C1orf21: variants seen among roughly 807,000 people sequenced by gnomAD.
C1orf21 encodes chromosome 1 open reading frame 21.
In C1orf21, 3 loss-of-function variants were observed where a neutral mutation model predicts 18.7. That is an observed-to-expected ratio of 0.16 (90% CI 0.07 to 0.42). C1orf21 has a LOEUF of 0.42. Ranked by LOEUF, C1orf21 falls within the 10% of genes least tolerant of loss-of-function variation. The pLI, the probability that C1orf21 is intolerant of heterozygous loss-of-function variation, is 0.99. For missense variants in C1orf21, 104 were observed against 143.6 expected (o/e 0.72, Z 1.41); for synonymous variants, 41 against 46.4 (o/e 0.88, Z 0.47).
At chr1:184,431,457 C>G (rs1372289595) in intron 1 of C1orf21, among the ~76,000 whole-genome samples, 1 of 152,122 alleles carries the variant, frequency 6.6e-6, no homozygotes, top group Non-Finnish European at 1.5e-5. Flanking sequence ...ATGCCTTATA[C>G]AAAAATTAAC....
intron 1 of C1orf21, among the ~76,000 whole-genome samples, chr1:184,404,520 G>A (rs1182301479): frequency 6.6e-6 from 1 of 152,072 alleles, no homozygotes; most frequent in Admixed American, 6.5e-5. Flanking sequence ...TGAGAAAGAG[G>A]GCTGGAGTTG....
At chr1:184,568,904 T>C (rs1049706387) in intron 3 of C1orf21, among the ~76,000 whole-genome samples, 1 of 152,230 alleles carries the variant, frequency 6.6e-6, no homozygotes, top group Admixed American at 6.5e-5. Context: ...AGGACAAATG[T>C]TCATTCGTTC....
At chr1:184,405,288 C>T (rs1656227154) in intron 1 of C1orf21, among the ~76,000 whole-genome samples, 1 of 152,006 alleles carries the variant, frequency 6.6e-6, no homozygotes, top group Non-Finnish European at 1.5e-5. Flanking sequence ...CTCAATCTCC[C>T]TGGCTCTATC....
At chr1:184,409,211 A>G (rs557357151) in intron 1 of C1orf21, among the ~76,000 whole-genome samples, 2 of 152,360 alleles carry the variant, frequency 1.3e-5, no homozygotes, top group South Asian at 4.1e-4. Context: ...CTTCTGGTCT[A>G]GATGAGTCAC....
intron 2 of C1orf21, among the ~76,000 whole-genome samples, chr1:184,491,140 C>T (rs1364358373): frequency 6.6e-6 from 1 of 151,984 alleles, no homozygotes; most frequent in Non-Finnish European, 1.5e-5. Flanking sequence ...ACAAAAAGTG[C>T]TGTATAAATA....
rs1655896714 is a variant in C1orf21 at position 184,387,038 on chromosome 1, A to T, written c.-455A>T. On this transcript the variant is annotated 5_prime_UTR_variant, in exon 1 of 6. Coordinates refer to ENST00000235307, the MANE Select transcript of C1orf21 (RefSeq NM_030806.4). The surrounding 1 kb of genome is among the most constrained non-coding windows in gnomAD (Gnocchi z 5.6). ...CTCCCCTCCCTCGCTCGCTCCTCGC[A>T]AGCTCCCGCTCGCTCCCTGCCCACT... is the stretch of plus-strand genomic sequence containing the variant. 2 of 150,646 alleles carry T rather than the reference A, an allele frequency of 1.3e-5. No homozygotes were observed. The highest frequency in any genetic ancestry group is 4.2e-4 in the South Asian group (2 of 4,800). The allele number at this position is 150,646 out of a possible 1,614,324, so 9.3% of individuals were successfully genotyped here. A position where few individuals can be genotyped will look rare whatever the true frequency, so the allele number is the denominator to read the frequency against.
In C1orf21 at chr1:184,414,731, T is replaced by G. The variant is rs115736275; in HGVS notation, c.-125+27363T>G. Among the ~76,000 whole-genome samples, 1,072 of 152,358 alleles carry G rather than the reference T, an allele frequency of 7.0e-3. 8 individuals are homozygous for G. The highest frequency in any genetic ancestry group is 0.024 in the African/African-American group (1,013 of 41,586). On this transcript the variant is annotated intron_variant, in intron 1 of 5. Transcript: ENST00000235307. ...TCTTACATAGCTTTATTTAAAATCC[T>G]AGATTGACTTGTTTTTTGTTGATAC...
At chr1:184,567,310 C>T (rs1659048195) in intron 3 of C1orf21, 1 of 470,864 alleles carries the variant, frequency 2.1e-6, no homozygotes, top group South Asian at 1.7e-5. Context: ...CAGTCTGTGA[C>T]TTGACTTCAC....
At chr1:184,481,572 AC>A (rs1557983296) in intron 2 of C1orf21, among the ~76,000 whole-genome samples, 2 of 152,086 alleles carry the variant, frequency 1.3e-5, no homozygotes, top group Non-Finnish European at 2.9e-5. Flanking sequence ...AAATCAGTTT[AC>A]CCCAAGCCCA....
At chr1:184,489,100 T>C (rs1657776768) in intron 2 of C1orf21, among the ~76,000 whole-genome samples, 1 of 152,216 alleles carries the variant, frequency 6.6e-6, no homozygotes. Flanking sequence ...TGTGATAAAC[T>C]GTGATTATAT....
intron 1 of C1orf21, among the ~76,000 whole-genome samples, chr1:184,464,723 A>G (rs1657361680): frequency 6.6e-6 from 1 of 152,244 alleles, no homozygotes; most frequent in Non-Finnish European, 1.5e-5. Flanking sequence ...CTGGAAAAAT[A>G]TAGCTTAAGC....
At chr1:184,489,954 T>C (rs1055292840) in intron 2 of C1orf21, among the ~76,000 whole-genome samples, 3 of 152,252 alleles carry the variant, frequency 2.0e-5, no homozygotes, top group Admixed American at 2.0e-4. Context: ...TCACTACAAC[T>C]GTTTATTTTG....
At chr1:184,442,407 CA>C (rs1656962345) in intron 1 of C1orf21, among the ~76,000 whole-genome samples, 1 of 152,132 alleles carries the variant, frequency 6.6e-6, no homozygotes, top group Non-Finnish European at 1.5e-5. Context: ...TAATATTTAA[CA>C]CAGGATTATG....
chr1:184,465,568 T>A (rs975671631), intron 1 of C1orf21, among the ~76,000 whole-genome samples: 1 of 152,166 alleles, frequency 6.6e-6, no homozygotes, highest in Admixed American at 6.5e-5. Context: ...GGCCTGTTCC[T>A]GGGGTGGTAA....
intron 4 of C1orf21, among the ~76,000 whole-genome samples, chr1:184,594,922 C>G (rs761962119): frequency 1.3e-5 from 2 of 152,166 alleles, no homozygotes; most frequent in Non-Finnish European, 2.9e-5. Flanking sequence ...TATCTTTTAG[C>G]TCTAAAGCCC....
chr1:184,524,546 T>C (rs181828765), intron 3 of C1orf21, among the ~76,000 whole-genome samples: 211 of 152,250 alleles, frequency 1.4e-3, no homozygotes, highest in African/African-American at 4.9e-3. Flanking sequence ...AAAATATTCT[T>C]CTAAAATCAC....
chr1:184,590,023 T>C (rs1164755436), intron 3 of C1orf21, among the ~76,000 whole-genome samples: 1 of 152,212 alleles, frequency 6.6e-6, no homozygotes, highest in Non-Finnish European at 1.5e-5. Context: ...GGGTATGTTT[T>C]GTGAGCAAAT....
At chr1:184,516,041 G>A (rs1224871569) in intron 3 of C1orf21, among the ~76,000 whole-genome samples, 1 of 152,110 alleles carries the variant, frequency 6.6e-6, no homozygotes, top group African/African-American at 2.4e-5. Context: ...TTGAACTCCT[G>A]GCCTCAAGTG....
At chr1:184,426,341 T>G (rs1361380204) in intron 1 of C1orf21, among the ~76,000 whole-genome samples, 1 of 152,160 alleles carries the variant, frequency 6.6e-6, no homozygotes, top group Non-Finnish European at 1.5e-5. Flanking sequence ...CCCTCTAATT[T>G]ATTCTGCAAG....
Sources: allele counts gnomAD v4.1 joint callset (sites outside exome capture counted in the v4.1 genomes callset), GRCh38; gene constraint gnomAD v4.1.1; non-coding constraint Gnocchi (gnomAD v3.1); transcripts MANE v1.5; gene names NCBI Gene and HGNC (gene_info 2026-07-23, HGNC 2026-07-21).